PSD4: variants seen among roughly 807,000 people sequenced by gnomAD.
PSD4 encodes PH and SEC7 domain-containing protein 4.
Under a neutral mutation model 112.5 loss-of-function variants are expected in PSD4, and 59 were observed. The observed-to-expected ratio is 0.52, with a 90% CI of 0.43 to 0.65. The LOEUF (loss-of-function observed/expected upper bound fraction) is 0.65. Ranked by LOEUF, PSD4 falls within the 30% of genes least tolerant of loss-of-function variation. The pLI is 0.00. For missense variants in PSD4, 1,267 were observed against 1,352.6 expected (o/e 0.94, Z 0.99); for synonymous variants, 533 against 540.0 (o/e 0.99, Z 0.18).
rs267598842 is a variant in PSD4, at chr2:113,185,041, C to A, written c.1141C>A (p.Leu381Ile). ...GGAATCAGGATGTGTCGGATCTGAT[C>A]TTGGCCCTGCTGCACATCCTGTGCA... ...TWESGCVGSDLGPAAHPVQPW... is the reference protein window; with the variant it reads ...TWESGCVGSDIGPAAHPVQPW... The change falls in exon 3 of 17, where the codon CTT becomes ATT. Residue 381 changes from leucine to isoleucine, a missense_variant. Physicochemically the swap from Leu to Ile is conservative, Grantham distance 5. This residue lies in a region of PSD4 where 723 missense variants were observed against 704.0 expected (regional missense o/e 1.03). Coordinates refer to ENST00000245796, the MANE Select transcript of PSD4 (RefSeq NM_012455.3). 1 of 1,614,140 alleles carries A rather than the reference C, an allele frequency of 6.2e-7. No individual in the cohort carries two copies. Among genetic ancestry groups the A allele is most frequent in the East Asian group, 2.2e-5 (1 of 44,902 alleles).
At chr2:113,193,777 G>A in intron 9 of PSD4, 82 bp from the exon 10 acceptor site, 1 of 1,567,026 alleles carries the variant, frequency 6.4e-7, no homozygotes, top group Non-Finnish European at 8.8e-7. Flanking sequence ...GAGCTGGAAA[G>A]GGTTCCATGG....
At chr2:113,194,103 T>G (rs1688532832) in intron 10 of PSD4, among the ~76,000 whole-genome samples, 155 bp downstream of exon 10, 1 of 152,208 alleles carries the variant, frequency 6.6e-6, no homozygotes, top group Non-Finnish European at 1.5e-5. Flanking sequence ...GTGTATTCCC[T>G]GGCGGGCAGC....
intron 2 of PSD4, among the ~76,000 whole-genome samples, chr2:113,184,556 T>TTTTTTTTTTTTTTTTTG (rs1688238025): frequency 6.6e-6 from 1 of 151,966 alleles, no homozygotes; most frequent in African/African-American, 2.4e-5. Flanking sequence ...GTATTTTTAG[T>TTTTTTTTTTTTTTTTTG]AGAGATAGGT....
At position 113,205,655 on chromosome 2, in the gene PSD4, T is replaced by A. The variant is rs1573385838; in HGVS notation, c.*4240T>A. ...AAAAGAAAAAAAAGATGAAATGCCT[T>A]GAAAAAGTAAGGCCAATGGGTAGGG... On this transcript the variant is annotated 3_prime_UTR_variant, in exon 17 of 17. Transcript: ENST00000245796. The A allele has an allele frequency of 6.6e-6, 1 of 152,236 alleles. No homozygotes were observed. Among genetic ancestry groups the A allele is most frequent in the East Asian group, 1.9e-4 (1 of 5,180 alleles). 9.4% of individuals were successfully genotyped at this position (152,236 alleles called of 1,614,324 possible).
intron 1 of PSD4, among the ~76,000 whole-genome samples, chr2:113,180,648 G>A (rs942982342): frequency 6.6e-6 from 1 of 151,254 alleles, no homozygotes; most frequent in African/African-American, 2.4e-5. Flanking sequence ...TCAGGCTAAG[G>A]CTTCCTCATC....
rs6754392 is a variant in PSD4 at position 113,192,942 on chromosome 2, T to C, written c.1839-106T>C. On this transcript the variant is annotated intron_variant, in intron 6 of 16. Coordinates refer to ENST00000245796, the MANE Select transcript of PSD4 (RefSeq NM_012455.3). ...GCCCAGCGTGCCTGCACCCTTCCCT[T>C]GCTCACCCCCACCGCATAATGTGTG... is the stretch of plus-strand genomic sequence containing the variant. 4.6e-3 allele frequency: 5,319 copies of C among 1,145,058 alleles called. 169 individuals carry two copies. The African/African-American group carries it at 0.068, about 15-fold the overall frequency. 70.9% of individuals were successfully genotyped at this position (1,145,058 alleles called of 1,614,324 possible). A position where few individuals can be genotyped will look rare whatever the true frequency, so the allele number is the denominator to read the frequency against.
intron 2 of PSD4, among the ~76,000 whole-genome samples, chr2:113,184,579 G>A (rs966301847): frequency 4.6e-5 from 7 of 151,938 alleles, no homozygotes; most frequent in Non-Finnish European, 8.8e-5. Context: ...CACCATGTTG[G>A]CCAGGCTGGT....
Position 113,198,889 on chromosome 2 carries a change from G to A in PSD4, c.2769+5G>A, listed in dbSNP as rs760030646. ...GGCCCCGCCCAGAGCTCCCTGGTAC[G>A]GCCTCCGGGAAGGGGTGGGGTCCGG... On this transcript the variant is annotated splice_donor_5th_base_variant and intron_variant, in intron 15 of 16. Coordinates refer to ENST00000245796, the MANE Select transcript of PSD4 (RefSeq NM_012455.3). The A allele has an allele frequency of 1.9e-6, 3 of 1,577,724 alleles. No individual in the cohort carries two copies. Among genetic ancestry groups the A allele is most frequent in the Non-Finnish European group, 2.6e-6 (3 of 1,169,236 alleles).
chr2:113,176,717 G>A (rs912455856), intron 1 of PSD4, among the ~76,000 whole-genome samples: 1 of 152,230 alleles, frequency 6.6e-6, no homozygotes. Context: ...TTTCAAGAGA[G>A]ATTTTGCTAA....
At chr2:113,198,355 G>A (rs1476513953) in intron 14 of PSD4, among the ~76,000 whole-genome samples, 1 of 152,148 alleles carries the variant, frequency 6.6e-6, no homozygotes, top group Admixed American at 6.5e-5. Context: ...CACTGCAACC[G>A]CCGCCTCCCG....
Position 113,199,165 on chromosome 2 carries a change from G to C in PSD4, c.2852G>C (p.Arg951Pro), listed in dbSNP as rs1206273317. Residue 951 changes from arginine (R) to proline (P), a missense_variant, in exon 16 of 17, where the codon CGG (arginine) becomes CCG (proline). Around this residue, in one of 2 missense-constraint regions of PSD4, gnomAD observed 544 missense variants for 648.6 expected, o/e 0.84. Transcript: ENST00000245796. ...GATCTACAGAGGAACCTGCCGGAGC[G>C]GCGGGGCCGTGGCCGCGAGCTGGAG... Reference protein sequence around the residue: ...LLDLQRNLPERRGRGRELEEH... With the variant: ...LLDLQRNLPEPRGRGRELEEH... 3.3e-6 allele frequency: 5 copies of C among 1,525,578 alleles called. No individual in the cohort carries two copies. The highest frequency in any genetic ancestry group is 4.4e-6 in the Non-Finnish European group (5 of 1,139,074). 94.5% of individuals were successfully genotyped at this position (1,525,578 alleles called of 1,614,324 possible).
chr2:113,191,463 C>T (rs569154835), intron 5 of PSD4, among the ~76,000 whole-genome samples: 61 of 152,082 alleles, frequency 4.0e-4, no homozygotes, highest in Non-Finnish European at 7.9e-4. Context: ...GTAGAGACAG[C>T]GTTTCGCCAT....
At chr2:113,174,171 C>T (rs1197001970) in intron 1 of PSD4, 117 bp downstream of exon 1, 1 of 152,678 alleles carries the variant, frequency 6.5e-6, no homozygotes, top group Middle Eastern at 3.4e-3. Flanking sequence ...AGGGGAGAGG[C>T]GAGGGCTCTG....
chr2:113,186,344 T>C, intron 5 of PSD4, 89 bp downstream of exon 5: 1 of 1,373,634 alleles, frequency 7.3e-7, no homozygotes, highest in Non-Finnish European at 9.8e-7. Flanking sequence ...GAAATGCACA[T>C]TGGAATTAAA....
chr2:113,192,879 C>G (rs1424180753), intron 6 of PSD4, among the ~76,000 whole-genome samples, 169 bp from the exon 7 acceptor site: 1 of 152,234 alleles, frequency 6.6e-6, no homozygotes, highest in Non-Finnish European at 1.5e-5. Context: ...CAGGGCATAC[C>G]AGACCCTGGC....
intron 16 of PSD4, among the ~76,000 whole-genome samples, chr2:113,200,210 C>G (rs1280643354): frequency 6.6e-6 from 1 of 152,204 alleles, no homozygotes; most frequent in African/African-American, 2.4e-5. Context: ...ACCCACACTC[C>G]CCAATTCTGC....
intron 6 of PSD4, 113 bp from the exon 7 acceptor site, chr2:113,192,935 C>A: frequency 9.3e-7 from 1 of 1,075,034 alleles, no homozygotes; most frequent in South Asian, 1.5e-5. Context: ...TGCCTGCACC[C>A]TTCCCTTGCT....
chr2:113,187,562 C>T (rs548808967), intron 5 of PSD4, among the ~76,000 whole-genome samples: 155 of 151,894 alleles, frequency 1.0e-3, no homozygotes, highest in East Asian at 1.7e-3. Flanking sequence ...TGAACAGGTC[C>T]GGGTGACCCC....
At chr2:113,175,557 C>T (rs994225877) in intron 1 of PSD4, among the ~76,000 whole-genome samples, 5 of 152,180 alleles carry the variant, frequency 3.3e-5, no homozygotes. Flanking sequence ...GGCAGCTTCT[C>T]GGGCTGCAGA....
Sources: allele counts gnomAD v4.1 joint callset (sites outside exome capture counted in the v4.1 genomes callset), GRCh38; gene constraint gnomAD v4.1.1; regional missense constraint gnomAD v4.1.1; transcripts MANE v1.5; gene names NCBI Gene and HGNC (gene_info 2026-07-23, HGNC 2026-07-21).